The following KHDRBS3 variants were observed in gnomAD, a reference collection of about 807,000 sequenced individuals.
KHDRBS3 encodes KH RNA binding domain containing, signal transduction associated 3, also known as KH domain-containing, RNA-binding, signal transduction-associated protein 3.
Under a neutral mutation model 45.6 loss-of-function variants are expected in KHDRBS3, and 23 were observed. The observed-to-expected ratio is 0.50, with a 90% confidence interval of 0.36 to 0.72. The LOEUF (loss-of-function observed/expected upper bound fraction) is 0.72, where lower values mean the gene tolerates loss of function less well. Ranked by LOEUF, KHDRBS3 falls within the 30% of genes least tolerant of loss-of-function variation. The pLI, the probability that KHDRBS3 is intolerant of heterozygous loss-of-function variation, is 0.00. For missense variants in KHDRBS3, 352 were observed against 424.8 expected (o/e 0.83, Z 1.51); for synonymous variants, 162 against 156.5 (o/e 1.04, Z -0.26).
chr8:135,475,636 A>G (rs867361970), intron 1 of KHDRBS3, among the ~76,000 whole-genome samples: 1 of 151,922 alleles, frequency 6.6e-6, no homozygotes, highest in Non-Finnish European at 1.5e-5. Context: ...TTAAATCTCA[A>G]ATTATACATC....
intron 8 of KHDRBS3, 96 bp from the exon 9 acceptor site, chr8:135,646,897 A>G (rs1831312062): frequency 5.5e-6 from 4 of 727,570 alleles, no homozygotes; most frequent in Admixed American, 3.9e-5. Context: ...TCAATATGAC[A>G]TGTACCTTTG....
At chr8:135,568,064 C>T (rs975829077) in intron 5 of KHDRBS3, among the ~76,000 whole-genome samples, 1 of 152,180 alleles carries the variant, frequency 6.6e-6, no homozygotes, top group Non-Finnish European at 1.5e-5. Context: ...CTGTGTAATG[C>T]GGTTACTGCC....
At chr8:135,606,150 G>T (rs1829452387) in intron 6 of KHDRBS3, among the ~76,000 whole-genome samples, 1 of 151,844 alleles carries the variant, frequency 6.6e-6, no homozygotes, top group Admixed American at 6.6e-5. Context: ...GGGCCTCTGG[G>T]TGCCTATTGG....
At chr8:135,458,009 C>A (rs1037638091) in intron 1 of KHDRBS3, 55 bp downstream of exon 1, 1 of 1,521,134 alleles carries the variant, frequency 6.6e-7, no homozygotes, top group Non-Finnish European at 8.8e-7. Flanking sequence ...CGGGTGGAAA[C>A]GCGGGGGCCC....
In KHDRBS3 at chr8:135,606,632, C is replaced by T. The variant is rs547653802; in HGVS notation, c.808-323C>T. On this transcript the variant is annotated intron_variant, in intron 6 of 8. Coordinates refer to ENST00000355849, the MANE Select transcript of KHDRBS3 (RefSeq NM_006558.3). ...ATGGGAATAAGACAAGTTAGAATAG[C>T]GCAAAGCTCACTGTTCTTACCAGGA... Among the ~76,000 whole-genome samples, 4 of 151,974 alleles carry T rather than the reference C, an allele frequency of 2.6e-5. No individual in the cohort carries two copies. In the East Asian group the frequency reaches 5.8e-4, roughly 22 times the overall value.
At chr8:135,458,324 T>C (rs909326807) in intron 1 of KHDRBS3, 1 of 478,300 alleles carries the variant, frequency 2.1e-6, no homozygotes, top group South Asian at 4.7e-5. Flanking sequence ...CTCGGGGAAG[T>C]AGGGCGTTTG....
intron 1 of KHDRBS3, among the ~76,000 whole-genome samples, chr8:135,499,380 G>A (rs1019587735): frequency 1.3e-5 from 2 of 152,280 alleles, no homozygotes; most frequent in African/African-American, 4.8e-5. Flanking sequence ...GCTGCTAAGT[G>A]GTGGAGCTGT....
At chr8:135,592,770 G>T (rs113333179) in intron 6 of KHDRBS3, among the ~76,000 whole-genome samples, 1 of 152,008 alleles carries the variant, frequency 6.6e-6, no homozygotes, top group Non-Finnish European at 1.5e-5. Flanking sequence ...TGGTTATATA[G>T]CATCTTCCAT....
At chr8:135,540,735 A>G (rs946775508) in intron 2 of KHDRBS3, 6 of 152,248 alleles carry the variant, frequency 3.9e-5, no homozygotes, top group Admixed American at 3.9e-4. Context: ...GAAACGAAAT[A>G]CAGATACTGA....
intron 7 of KHDRBS3, among the ~76,000 whole-genome samples, chr8:135,633,231 T>C (rs541524948): frequency 3.1e-4 from 47 of 152,350 alleles, no homozygotes; most frequent in Middle Eastern, 3.4e-3. Flanking sequence ...GATTGTCTCA[T>C]ATTATTTGAT....
chr8:135,487,270 A>G (rs1015842548), intron 1 of KHDRBS3, among the ~76,000 whole-genome samples: 10 of 152,224 alleles, frequency 6.6e-5, no homozygotes, highest in African/African-American at 2.4e-4. Flanking sequence ...TATACCTGGT[A>G]AAGCTACTTA....
chr8:135,461,681 G>A (rs1166932317), intron 1 of KHDRBS3, among the ~76,000 whole-genome samples: 3 of 152,148 alleles, frequency 2.0e-5, no homozygotes, highest in Non-Finnish European at 4.4e-5. Context: ...TATTGGTTTG[G>A]ATGGTTTTCA....
intron 1 of KHDRBS3, among the ~76,000 whole-genome samples, chr8:135,499,179 A>G (rs1280567010): frequency 6.6e-6 from 1 of 152,144 alleles, no homozygotes; most frequent in Non-Finnish European, 1.5e-5. Flanking sequence ...TTTTGGTGTC[A>G]TTGTGATGTG....
At chr8:135,564,959 G>A (rs16905410) in intron 5 of KHDRBS3, among the ~76,000 whole-genome samples, 1,630 of 152,224 alleles carry the variant, frequency 0.011, 25 homozygotes, top group African/African-American at 0.035. Flanking sequence ...GTTTCATAGC[G>A]TTCTAAATGT....
chr8:135,625,191 CTCT>C (rs1199843704), intron 7 of KHDRBS3: 3 of 1,395,258 alleles, frequency 2.2e-6, no homozygotes, highest in African/African-American at 2.9e-5. Flanking sequence ...GCTGTTAATA[CTCT>C]TCTTGCTCCT....
intron 1 of KHDRBS3, among the ~76,000 whole-genome samples, chr8:135,510,680 G>A (rs186862456): frequency 7.9e-5 from 12 of 152,304 alleles, no homozygotes; most frequent in Admixed American, 5.2e-4. Flanking sequence ...TGACCCACCC[G>A]CCTTGGCCTC....
At chr8:135,463,866 G>A (rs1263260617) in intron 1 of KHDRBS3, among the ~76,000 whole-genome samples, 1 of 152,172 alleles carries the variant, frequency 6.6e-6, no homozygotes, top group African/African-American at 2.4e-5. Context: ...ACAATAGAAG[G>A]AGAGTGTTCC....
In KHDRBS3 at chr8:135,536,991, A is replaced by G. The variant is rs1260228093; in HGVS notation, c.208-5663A>G. Among the ~76,000 whole-genome samples the G allele has an allele frequency of 1.7e-4, 8 of 46,536 alleles. 1 individual carries two copies. The highest frequency in any genetic ancestry group is 3.3e-3 in the East Asian group (1 of 304). 30.5% of individuals were successfully genotyped at this position (46,536 alleles called of 152,430 possible). ...CAAAAAAAAAAAAAAAAAAAAAAAA[A>G]AAAAAAGGAGATGTTTAGGAGGTAA... On this transcript the variant is annotated intron_variant, in intron 2 of 8. Transcript: ENST00000355849.
chr8:135,587,307 T>C (rs1434025463), intron 6 of KHDRBS3, among the ~76,000 whole-genome samples: 1 of 152,220 alleles, frequency 6.6e-6, no homozygotes, highest in Non-Finnish European at 1.5e-5. Flanking sequence ...TATTTGACTT[T>C]GTGATTATTA....
Sources: gnomAD v4.1 joint callset for allele counts (sites outside exome capture counted in the v4.1 genomes callset) on GRCh38, gnomAD v4.1.1 for gene constraint, MANE v1.5 for transcripts, NCBI Gene and HGNC (gene_info 2026-07-23, HGNC 2026-07-21) for gene names.